The following RCAN2 variants were observed in gnomAD, a reference collection of about 807,000 sequenced individuals.
RCAN2 encodes calcipressin-2.
Under a neutral mutation model 23.6 loss-of-function variants are expected in RCAN2, and 9 were observed. The ratio of observed to expected loss-of-function variants is 0.38; its 90% confidence interval spans 0.23 to 0.67. The LOEUF is 0.67. RCAN2 is among the 30% of genes least tolerant of loss of function. The pLI is 0.51. For synonymous variants in RCAN2, 109 were observed against 115.7 expected (o/e 0.94, Z 0.37); for missense variants, 273 against 302.3 (o/e 0.90, Z 0.72).
At chr6:46,233,479 G>C (rs1309410715) in intron 4 of RCAN2, among the ~76,000 whole-genome samples, 9 of 152,242 alleles carry the variant, frequency 5.9e-5, no homozygotes, top group East Asian at 3.9e-4. Flanking sequence ...ATTGAGGAAA[G>C]GGGGATGGCC....
intron 2 of RCAN2, among the ~76,000 whole-genome samples, chr6:46,321,320 A>T (rs1373274637): frequency 6.6e-6 from 1 of 152,228 alleles, no homozygotes; most frequent in Non-Finnish European, 1.5e-5. Flanking sequence ...CTCATGTTAG[A>T]ATATATGCTC....
rs11461289 is a variant in RCAN2, at chr6:46,337,153, TA to T, written c.226-88258del. 4.0e-5 allele frequency among the ~76,000 whole-genome samples: 6 copies of T among 150,984 alleles called. No homozygotes were observed. The South Asian group carries it at 1.3e-3, about 32-fold the overall frequency. ...TAGCTAATATCATTTATCTCCATGT[TA>T]AAAAAAAGCAAAAAAAATTAAAAAA... On this transcript the variant is annotated intron_variant, in intron 2 of 4. Coordinates refer to ENST00000371374, the MANE Select transcript of RCAN2 (RefSeq NM_001251974.2).
chr6:46,280,317 A>G (rs1385114499), intron 2 of RCAN2, among the ~76,000 whole-genome samples: 1 of 152,190 alleles, frequency 6.6e-6, no homozygotes. Context: ...TTTTTTAAAA[A>G]TGAGAACAGA....
chr6:46,366,300 C>T (rs921264842), intron 2 of RCAN2, among the ~76,000 whole-genome samples: 5 of 152,114 alleles, frequency 3.3e-5, no homozygotes, highest in Non-Finnish European at 5.9e-5. Flanking sequence ...TCAAATGTCT[C>T]CCCAGGCAAA....
intron 2 of RCAN2, among the ~76,000 whole-genome samples, chr6:46,329,654 G>T (rs1248595225): frequency 6.6e-6 from 1 of 152,108 alleles, no homozygotes; most frequent in Non-Finnish European, 1.5e-5. Flanking sequence ...GCAAAGGCAT[G>T]GTGAGTTCGG....
intron 2 of RCAN2, among the ~76,000 whole-genome samples, chr6:46,388,026 T>C (rs1320927334): frequency 1.3e-5 from 2 of 151,628 alleles, no homozygotes; most frequent in Non-Finnish European, 2.9e-5. Flanking sequence ...CACCGCACGT[T>C]CTCACTCATA....
chr6:46,361,137 C>G (rs1426537103), intron 2 of RCAN2, among the ~76,000 whole-genome samples: 1 of 152,118 alleles, frequency 6.6e-6, no homozygotes, highest in Non-Finnish European at 1.5e-5. Context: ...GCAGCCTTGA[C>G]ATGGAAAAGT....
intron 2 of RCAN2, among the ~76,000 whole-genome samples, chr6:46,398,029 C>T (rs766995514): frequency 3.3e-5 from 5 of 152,102 alleles, no homozygotes; most frequent in Non-Finnish European, 5.9e-5. Context: ...GACTTGTTTA[C>T]TACATTTTGA....
chr6:46,463,242 G>A (rs189836258), intron 1 of RCAN2, among the ~76,000 whole-genome samples: 1 of 152,304 alleles, frequency 6.6e-6, no homozygotes, highest in Non-Finnish European at 1.5e-5. Context: ...ATAAGAAAAA[G>A]CATACGAAGC....
intron 2 of RCAN2, among the ~76,000 whole-genome samples, chr6:46,372,328 C>T (rs1471398435): frequency 2.6e-5 from 4 of 152,154 alleles, no homozygotes; most frequent in Non-Finnish European, 5.9e-5. Context: ...TTAAGCATTG[C>T]AATAATTCTA....
intron 2 of RCAN2, among the ~76,000 whole-genome samples, chr6:46,388,993 AC>A (rs1765852413): frequency 6.6e-6 from 1 of 152,150 alleles, no homozygotes; most frequent in Non-Finnish European, 1.5e-5. Context: ...GAGATGTAAA[AC>A]CTATGAAAAC....
chr6:46,258,532 C>G (rs781073440), intron 2 of RCAN2, among the ~76,000 whole-genome samples: 61 of 152,268 alleles, frequency 4.0e-4, no homozygotes, highest in Admixed American at 9.2e-4. Context: ...GGTATAGAAG[C>G]CTTTATCCTT....
intron 1 of RCAN2, among the ~76,000 whole-genome samples, chr6:46,473,629 T>G (rs1171162354): frequency 6.6e-6 from 1 of 152,218 alleles, no homozygotes; most frequent in Admixed American, 6.5e-5. Context: ...CTCAGTAGTA[T>G]TTTCATAGAG....
intron 2 of RCAN2, among the ~76,000 whole-genome samples, chr6:46,400,388 C>A (rs1307450819): frequency 6.6e-6 from 1 of 152,180 alleles, no homozygotes; most frequent in African/African-American, 2.4e-5. Context: ...CGAAGGCAGA[C>A]CAGCCCTGCC....
At chr6:46,431,823 A>G (rs1171901913) in intron 2 of RCAN2, among the ~76,000 whole-genome samples, 1 of 152,178 alleles carries the variant, frequency 6.6e-6, no homozygotes, top group Non-Finnish European at 1.5e-5. Context: ...CTGATTAGGG[A>G]TTTCTCTTTT....
chr6:46,249,016 G>T, intron 2 of RCAN2, 120 bp from the exon 3 acceptor site: 2 of 627,058 alleles, frequency 3.2e-6, no homozygotes, highest in Non-Finnish European at 5.1e-6. Context: ...GGTTTAAATA[G>T]AACACCAGTA....
intron 2 of RCAN2, among the ~76,000 whole-genome samples, chr6:46,262,143 C>T (rs1767129397): frequency 2.0e-5 from 3 of 151,986 alleles, no homozygotes; most frequent in African/African-American, 7.3e-5. Flanking sequence ...ATGTAATGGC[C>T]CTGAAGCCAT....
intron 2 of RCAN2, among the ~76,000 whole-genome samples, chr6:46,345,140 G>C (rs915190306): frequency 6.6e-6 from 1 of 151,876 alleles, no homozygotes; most frequent in Non-Finnish European, 1.5e-5. Context: ...TAGACTTCAA[G>C]ACAAAAAGAA....
intron 2 of RCAN2, among the ~76,000 whole-genome samples, chr6:46,376,720 A>G (rs868231197): frequency 6.6e-6 from 1 of 151,986 alleles, no homozygotes; most frequent in Non-Finnish European, 1.5e-5. Flanking sequence ...ACAAACAAAA[A>G]AAAAAAACAC....
Sources: allele counts gnomAD v4.1 joint callset (sites outside exome capture counted in the v4.1 genomes callset), GRCh38; gene constraint gnomAD v4.1.1; transcripts MANE v1.5; gene names NCBI Gene and HGNC (gene_info 2026-07-23, HGNC 2026-07-21).